NAA35: variants seen among roughly 807,000 people sequenced by gnomAD.
NAA35 encodes MAK10 homolog, amino-acid N-acetyltransferase subunit.
Under a neutral mutation model 101.7 loss-of-function variants are expected in NAA35, and 18 were observed. That is an observed-to-expected ratio of 0.18 (90% CI 0.12 to 0.26). The LOEUF (loss-of-function observed/expected upper bound fraction) is 0.26, where lower values mean the gene tolerates loss of function less well. NAA35 is among the 10% of genes least tolerant of loss of function. NAA35 has a pLI of 1.00. For synonymous variants in NAA35, 267 were observed against 273.1 expected, an observed-to-expected ratio of 0.98 and a Z score of 0.22; for missense variants, 601 against 886.8, an observed-to-expected ratio of 0.68 and a Z score of 4.09.
At position 85,978,295 on chromosome 9, in the gene NAA35, T is replaced by G. The variant is rs750796057; in HGVS notation, c.791T>G (p.Leu264Trp). ...AGTGCTGTTGCAGAAGCTCAAAAAT[T>G]GATGGTTCAAGCAGCAGATCTTCTT... ...ETSAVAEAQK[L>W]MVQAADLLSA... The change falls in exon 11 of 23, where the codon TTG becomes TGG. Residue 264 changes from leucine (L) to tryptophan (W), a missense_variant. Physicochemically the swap from Leu to Trp is moderately conservative, Grantham distance 61. Coordinates refer to ENST00000361671, the MANE Select transcript of NAA35 (RefSeq NM_024635.4). 3 of 1,613,174 alleles carry G rather than the reference T, an allele frequency of 1.9e-6. No homozygotes were observed. In the South Asian group the frequency reaches 3.3e-5, roughly 18 times the overall value.
chr9:85,998,437 CA>C (rs1831273431), intron 12 of NAA35, among the ~76,000 whole-genome samples: 1 of 152,026 alleles, frequency 6.6e-6, no homozygotes, highest in Admixed American at 6.6e-5. Flanking sequence ...TTCAGTGTTA[CA>C]AACAATACTA....
Position 85,950,859 on chromosome 9 carries a change from G to A in NAA35, c.125-5501G>A, listed in dbSNP as rs1168201573. Reference sequence around the variant, plus strand: ...ATCCATTTAAAAATGATGATGGGCCGGGCACGGTGGCTCACGCCTGTAATC... The same window carrying A: ...ATCCATTTAAAAATGATGATGGGCCAGGCACGGTGGCTCACGCCTGTAATC... On this transcript the variant is annotated intron_variant, in intron 2 of 22. Transcript: ENST00000361671. Among the ~76,000 whole-genome samples the A allele has an allele frequency of 3.9e-5, 6 of 152,058 alleles. No homozygotes were observed. In the East Asian group the frequency reaches 9.7e-4, roughly 25 times the overall value.
intron 3 of NAA35, 87 bp downstream of exon 3, chr9:85,956,480 G>T: frequency 1.4e-6 from 1 of 701,190 alleles, no homozygotes; most frequent in South Asian, 2.9e-5. Context: ...CCTGAAGTTT[G>T]AGTAAATTTA....
chr9:86,007,317 T>C, intron 13 of NAA35, 41 bp from the exon 14 acceptor site: 2 of 1,371,236 alleles, frequency 1.5e-6, no homozygotes, highest in East Asian at 2.3e-5. Flanking sequence ...ATGACAATTC[T>C]GTGCGTGACA....
intron 18 of NAA35, 24 bp downstream of exon 18, chr9:86,016,699 T>G (rs1223661926): frequency 6.2e-7 from 1 of 1,602,112 alleles, no homozygotes; most frequent in Admixed American, 1.7e-5. Context: ...TTTTTAAACT[T>G]AAGAACAGAG....
At chr9:85,995,154 T>C (rs1831100980) in intron 11 of NAA35, among the ~76,000 whole-genome samples, 1 of 152,016 alleles carries the variant, frequency 6.6e-6, no homozygotes, top group Admixed American at 6.6e-5. Context: ...TATCATAATG[T>C]TTTGAAAATA....
chr9:86,009,545 A>G (rs932526819), intron 14 of NAA35, among the ~76,000 whole-genome samples: 2 of 152,196 alleles, frequency 1.3e-5, no homozygotes, highest in African/African-American at 4.8e-5. Context: ...ATTGTAGGGA[A>G]ATATGTGACA....
In NAA35 at chr9:86,018,409, A is replaced by C; in HGVS notation, c.1914+14A>C. The stretch of plus-strand genomic sequence containing the variant: ...TTACAGTTCAAGGTGAACCTGCTCA[A>C]TGAACTTGTTATGAAATCTTTAGTC... On this transcript the variant is annotated intron_variant, in intron 20 of 22. Transcript: ENST00000361671. 1 of 1,601,194 alleles carries C rather than the reference A, an allele frequency of 6.2e-7. No individual in the cohort carries two copies.
chr9:85,957,962 A>C (rs1304687861), intron 3 of NAA35, among the ~76,000 whole-genome samples: 1 of 147,434 alleles, frequency 6.8e-6, no homozygotes, highest in Non-Finnish European at 1.5e-5. Context: ...TTTTTTTGAG[A>C]GGGAGTTTCA....
intron 14 of NAA35, 66 bp downstream of exon 14, chr9:86,007,530 C>G: frequency 8.5e-7 from 1 of 1,172,464 alleles, no homozygotes; most frequent in Middle Eastern, 2.0e-4. Flanking sequence ...CTTCTCTGTA[C>G]TCCTTCTTTA....
chr9:86,018,310 A>G lies in NAA35; in HGVS notation c.1829A>G (p.Asp610Gly). ...GTACGTAAACCGAAGTTTGAGCTTG[A>G]TAGTGAACAAGTTCGGTATGAACAC... is the stretch of plus-strand genomic sequence containing the variant. ...GKVRKPKFEL[D>G]SEQVRYEHRF... The change falls in exon 20 of 23, where the codon GAT (aspartate) becomes GGT (glycine). Residue 610 changes from aspartate to glycine, a missense_variant. Asp to Gly is a moderately conservative substitution (Grantham distance 94). Transcript: ENST00000361671. The G allele has an allele frequency of 6.2e-7, 1 of 1,613,998 alleles. No individual in the cohort carries two copies. Among genetic ancestry groups the G allele is most frequent in the Non-Finnish European group, 8.5e-7 (1 of 1,179,942 alleles).
At chr9:85,962,590 C>G (rs950583056) in intron 6 of NAA35, among the ~76,000 whole-genome samples, 4 of 151,488 alleles carry the variant, frequency 2.6e-5, no homozygotes, top group Admixed American at 1.3e-4. Context: ...TATGTACTTT[C>G]GTCTACGTGT....
At chr9:86,001,249 G>C (rs1831406152) in intron 12 of NAA35, among the ~76,000 whole-genome samples, 1 of 152,068 alleles carries the variant, frequency 6.6e-6, no homozygotes, top group Non-Finnish European at 1.5e-5. Flanking sequence ...TGGTCCAAGA[G>C]TATGTTTGGT....
At chr9:85,967,346 T>G (rs1056874454) in intron 6 of NAA35, among the ~76,000 whole-genome samples, 2 of 152,118 alleles carry the variant, frequency 1.3e-5, no homozygotes, top group African/African-American at 4.8e-5. Context: ...TAGCCAACTG[T>G]GTAAAAATAA....
chr9:86,004,351 C>T (rs969993781), intron 13 of NAA35, among the ~76,000 whole-genome samples: 2 of 151,948 alleles, frequency 1.3e-5, no homozygotes, highest in South Asian at 2.1e-4. Flanking sequence ...GTGATCCACC[C>T]GTCTCAGCCT....
intron 2 of NAA35, among the ~76,000 whole-genome samples, chr9:85,948,229 C>T (rs2118267124): frequency 6.6e-6 from 1 of 152,206 alleles, no homozygotes; most frequent in Admixed American, 6.5e-5. Context: ...AGGAGTAAAA[C>T]CATTACTACT....
chr9:85,995,259 ATTTTT>A (rs997817796), intron 11 of NAA35, among the ~76,000 whole-genome samples: 1 of 150,802 alleles, frequency 6.6e-6, no homozygotes, highest in Non-Finnish European at 1.5e-5. Context: ...CAATTTATTT[ATTTTT>A]AATTTTTAAA....
chr9:85,958,467 TGCAGA>T lies in NAA35; in HGVS notation c.159-4_159del. On this transcript the variant is annotated splice_acceptor_variant and splice_polypyrimidine_tract_variant and coding_sequence_variant and intron_variant, in exon 4 of 23. Coordinates refer to ENST00000361671, the MANE Select transcript of NAA35 (RefSeq NM_024635.4). LOFTEE classifies it high-confidence loss of function. Reference sequence around the variant, plus strand: ...AATTTGTTGGCTCAATTTTTTTATTTGCAGATTTGGTCTTTTTGAAGCCATGTCTG... The same window carrying T: ...AATTTGTTGGCTCAATTTTTTTATTTTTTGGTCTTTTTGAAGCCATGTCTG... 1 of 1,584,190 alleles carries T rather than the reference TGCAGA, an allele frequency of 6.3e-7. No individual in the cohort carries two copies. The highest frequency in any genetic ancestry group is 8.6e-7 in the Non-Finnish European group (1 of 1,160,044).
Position 86,022,753 on chromosome 9 carries a change from T to C in NAA35, c.*793T>C, listed in dbSNP as rs545055712. Among the ~76,000 whole-genome samples the C allele has an allele frequency of 1.9e-4, 29 of 152,300 alleles. 1 individual carries two copies. In the South Asian group the frequency reaches 5.2e-3, roughly 27 times the overall value. On this transcript the variant is annotated 3_prime_UTR_variant, in exon 23 of 23. Coordinates refer to ENST00000361671, the MANE Select transcript of NAA35 (RefSeq NM_024635.4). ...GTGTCTGTTCAGTATCCTCTGGCTT[T>C]GAAAAACTGACTACATCCCCCTGTG... is the stretch of plus-strand genomic sequence containing the variant.
Sources: gnomAD v4.1 joint callset for allele counts (sites outside exome capture counted in the v4.1 genomes callset) on GRCh38, gnomAD v4.1.1 for gene constraint, MANE v1.5 for transcripts, NCBI Gene and HGNC (gene_info 2026-07-23, HGNC 2026-07-21) for gene names.